Variants in PSMD1 observed in about 807,000 individuals in gnomAD.
PSMD1 encodes proteasome 26S subunit, non-ATPase 1, also known as 26S proteasome non-ATPase regulatory subunit 1.
PSMD1 carries 18 observed loss-of-function variants against 119.0 expected under a neutral mutation model. The observed-to-expected ratio is 0.15, with a 90% CI of 0.10 to 0.22. The LOEUF (loss-of-function observed/expected upper bound fraction) is 0.22, where lower values mean the gene tolerates loss of function less well. Among genes scored for constraint, PSMD1 ranks in the 10% least tolerant of loss-of-function variants. The probability of loss-of-function intolerance (pLI) is 1.00; values close to 1 mark genes in which losing one functional copy is unlikely to be tolerated. For missense variants in PSMD1, 702 were observed against 1,158.5 expected, an observed-to-expected ratio of 0.61 and a Z score of 5.72; for synonymous variants, 374 against 396.6, an observed-to-expected ratio of 0.94 and a Z score of 0.68.
chr2:231,172,427 T>G (rs1440576794), intron 24 of PSMD1, 108 bp from the exon 25 acceptor site: 1 of 152,192 alleles, frequency 6.6e-6, no homozygotes, highest in African/African-American at 2.4e-5. Context: ...AGAGGCAGGG[T>G]TGGGGCCTAG....
At chr2:231,154,210 T>C (rs1413706088) in intron 19 of PSMD1, among the ~76,000 whole-genome samples, 3 of 152,066 alleles carry the variant, frequency 2.0e-5, no homozygotes, top group Non-Finnish European at 4.4e-5. Flanking sequence ...GGCAGGTGGA[T>C]CACCTGAGGT....
At chr2:231,120,021 C>T (rs796820644) in intron 16 of PSMD1, among the ~76,000 whole-genome samples, 19 of 150,372 alleles carry the variant, frequency 1.3e-4, no homozygotes, top group African/African-American at 4.6e-4. Flanking sequence ...GGCACCATCT[C>T]GGCTCACTGC....
intron 24 of PSMD1, among the ~76,000 whole-genome samples, chr2:231,172,177 T>C (rs1696929279): frequency 6.6e-6 from 1 of 152,242 alleles, no homozygotes; most frequent in African/African-American, 2.4e-5. Flanking sequence ...GCGTAGGCTA[T>C]CATGATCACT....
In PSMD1 at chr2:231,165,298, TTGG is replaced by T; in HGVS notation, c.2568+17_2568+19del. 6.3e-7 allele frequency: 1 copy of T among 1,583,484 alleles called. No individual in the cohort carries two copies. Among genetic ancestry groups the T allele is most frequent in the Non-Finnish European group, 8.6e-7 (1 of 1,160,960 alleles). On this transcript the variant is annotated intron_variant, in intron 22 of 24. Transcript: ENST00000308696. ...AGAAAATGGAAGTGGTAGGTATAAA[TTGG>T]TGGTCATATGGATTGAAGTATCTCT...
At chr2:231,069,758 A>G (rs532247880) in intron 5 of PSMD1, among the ~76,000 whole-genome samples, 1 of 152,328 alleles carries the variant, frequency 6.6e-6, no homozygotes, top group South Asian at 2.1e-4. Context: ...TCACTTTATT[A>G]TAGTATACTA....
intron 16 of PSMD1, among the ~76,000 whole-genome samples, chr2:231,100,694 C>CA (rs937217120): frequency 6.6e-6 from 1 of 152,190 alleles, no homozygotes; most frequent in African/African-American, 2.4e-5. Flanking sequence ...ATATCTAACA[C>CA]AACAGTTTGC....
chr2:231,165,341 C>A, intron 22 of PSMD1, 55 bp downstream of exon 22: 2 of 1,488,724 alleles, frequency 1.3e-6, no homozygotes, highest in South Asian at 1.3e-5. Context: ...CTGTCATGGT[C>A]GAGATTCTTC....
At chr2:231,060,427 G>A (rs571414140) in intron 1 of PSMD1, 1 of 152,332 alleles carries the variant, frequency 6.6e-6, no homozygotes, top group Non-Finnish European at 1.5e-5. Context: ...GTTCTGGAAT[G>A]ATTTTAAAAC....
chr2:231,082,699 A>G (rs1574715342), intron 12 of PSMD1, among the ~76,000 whole-genome samples, 184 bp from the exon 13 acceptor site: 1 of 152,220 alleles, frequency 6.6e-6, no homozygotes, highest in South Asian at 2.1e-4. Context: ...GAGCGAAACT[A>G]CGTCTGAAAC....
chr2:231,105,993 A>G (rs1342969865), intron 16 of PSMD1, among the ~76,000 whole-genome samples: 2 of 135,346 alleles, frequency 1.5e-5, no homozygotes, highest in African/African-American at 5.4e-5. Flanking sequence ...CTCTCCATTA[A>G]TTGGCAGTAA....
At chr2:231,096,292 A>C (rs1694723343) in intron 16 of PSMD1, among the ~76,000 whole-genome samples, 1 of 152,184 alleles carries the variant, frequency 6.6e-6, no homozygotes, top group Non-Finnish European at 1.5e-5. Flanking sequence ...GAGGGGACTC[A>C]GGCAAAACCT....
In PSMD1 at chr2:231,056,910, T is replaced by G; in HGVS notation, c.-116T>G. The G allele has an allele frequency of 7.1e-7, 1 of 1,411,822 alleles. No individual in the cohort carries two copies. Among genetic ancestry groups the G allele is most frequent in the Non-Finnish European group, 9.6e-7 (1 of 1,037,862 alleles). The allele number at this position is 1,411,822 out of a possible 1,614,324, so 87.5% of individuals were successfully genotyped here. A position where few individuals can be genotyped will look rare whatever the true frequency, so the allele number is the denominator to read the frequency against. On this transcript the variant is annotated 5_prime_UTR_variant, in exon 1 of 25. Coordinates refer to ENST00000308696, the MANE Select transcript of PSMD1 (RefSeq NM_002807.4). ...CCGGCGGCCTGAGGAGGCGACTGAC[T>G]GAGCAGCGCACCCGGGGAGCAAGGA... is the stretch of plus-strand genomic sequence containing the variant.
intron 16 of PSMD1, among the ~76,000 whole-genome samples, chr2:231,132,607 G>A (rs942515202): frequency 2.0e-5 from 3 of 152,016 alleles, no homozygotes; most frequent in African/African-American, 4.8e-5. Context: ...CCACTCCACC[G>A]ACTCTCCCCA....
At chr2:231,160,268 A>G (rs1258880999) in intron 19 of PSMD1, among the ~76,000 whole-genome samples, 1 of 152,222 alleles carries the variant, frequency 6.6e-6, no homozygotes. Flanking sequence ...TGCTAATGGG[A>G]GAAAAGGAAT....
At chr2:231,076,989 A>G in intron 8 of PSMD1, 45 bp from the exon 9 acceptor site, 1 of 1,556,558 alleles carries the variant, frequency 6.4e-7, no homozygotes, top group Non-Finnish European at 8.7e-7. Context: ...GGATTATAGT[A>G]ATACTGTTTA....
chr2:231,170,358 CAT>C lies in PSMD1; in HGVS notation c.2716-207_2716-206del, dbSNP rs1696886144. On this transcript the variant is annotated intron_variant, in intron 23 of 24. Coordinates refer to ENST00000308696, the MANE Select transcript of PSMD1 (RefSeq NM_002807.4). The surrounding 1 kb of genome is among the most constrained non-coding windows in gnomAD (Gnocchi z 4.1). ...GCATCATCCAAGTAGAACAGCATCACATGTTATACCATCTAGAGCTACTGGGT... is the reference window on the plus strand; with the variant it reads ...GCATCATCCAAGTAGAACAGCATCACGTTATACCATCTAGAGCTACTGGGT... 2.3e-6 allele frequency: 1 copy of C among 444,424 alleles called. No individual in the cohort carries two copies. Among genetic ancestry groups the C allele is most frequent in the Non-Finnish European group, 3.9e-6 (1 of 257,514 alleles). 27.5% of individuals were successfully genotyped at this position (444,424 alleles called of 1,614,324 possible).
At chr2:231,068,976 G>A (rs551284654) in intron 5 of PSMD1, among the ~76,000 whole-genome samples, 10 of 152,246 alleles carry the variant, frequency 6.6e-5, no homozygotes, top group Middle Eastern at 6.8e-3. Flanking sequence ...AGAAATTTGT[G>A]CATAATTTAT....
intron 15 of PSMD1, 73 bp from the exon 16 acceptor site, chr2:231,087,038 AATGATG>A: frequency 1.9e-5 from 22 of 1,168,736 alleles, no homozygotes; most frequent in Non-Finnish European, 2.7e-5. Context: ...CTCACTGTTG[AATGATG>A]CTGACCTCTC....
chr2:231,151,335 G>T (rs1696372362), intron 18 of PSMD1, among the ~76,000 whole-genome samples: 1 of 152,002 alleles, frequency 6.6e-6, no homozygotes, highest in Non-Finnish European at 1.5e-5. Context: ...TGAATAGAGG[G>T]AGTAGACCAG....
Sources: allele counts gnomAD v4.1 joint callset (sites outside exome capture counted in the v4.1 genomes callset), GRCh38; gene constraint gnomAD v4.1.1; non-coding constraint Gnocchi (gnomAD v3.1); transcripts MANE v1.5; gene names NCBI Gene and HGNC (gene_info 2026-07-23, HGNC 2026-07-21).